CYP39A1: variants seen among roughly 807,000 people sequenced by gnomAD.
CYP39A1 encodes the protein 24-hydroxycholesterol 7-alpha-hydroxylase.
CYP39A1 carries 49 observed loss-of-function variants against 58.1 expected under a neutral mutation model. The ratio of observed to expected loss-of-function variants is 0.84; its 90% CI spans 0.67 to 1.07. CYP39A1 has a LOEUF of 1.07. Ranked by LOEUF, CYP39A1 falls within the 50% of genes least tolerant of loss-of-function variation. The probability of loss-of-function intolerance (pLI) is 0.00; values close to 1 mark genes in which losing one functional copy is unlikely to be tolerated. For missense variants in CYP39A1, 531 were observed against 539.4 expected (o/e 0.98, Z 0.16); for synonymous variants, 209 against 187.6 (o/e 1.11, Z -0.93).
chr6:46,584,896 C>T (rs1480160231), intron 10 of CYP39A1, among the ~76,000 whole-genome samples: 2 of 152,128 alleles, frequency 1.3e-5, no homozygotes. Context: ...ACCAGAAATC[C>T]TTGCAGTTAT....
intron 5 of CYP39A1, among the ~76,000 whole-genome samples, chr6:46,635,027 A>G (rs779342945): frequency 1.4e-4 from 21 of 152,350 alleles, no homozygotes; most frequent in South Asian, 2.1e-4. Context: ...GCCTTCCAGT[A>G]TGGCTTCCTA....
chr6:46,591,540 A>G (rs1308936891), intron 8 of CYP39A1, among the ~76,000 whole-genome samples: 4 of 152,048 alleles, frequency 2.6e-5, no homozygotes, highest in South Asian at 2.1e-4. Flanking sequence ...GTTAGCATGT[A>G]AGAGGTTTTT....
At chr6:46,635,688 G>A (rs376925719) in intron 5 of CYP39A1, among the ~76,000 whole-genome samples, 9 of 152,158 alleles carry the variant, frequency 5.9e-5, no homozygotes, top group South Asian at 2.1e-4. Context: ...CTGAGTAGCC[G>A]GTACCACAGG....
At chr6:46,576,565 G>A (rs1771859608) in intron 10 of CYP39A1, among the ~76,000 whole-genome samples, 1 of 152,180 alleles carries the variant, frequency 6.6e-6, no homozygotes, top group Admixed American at 6.5e-5. Flanking sequence ...TCAAGATATA[G>A]GAGAAGGTTG....
chr6:46,564,452 T>A (rs1316527742), intron 10 of CYP39A1, among the ~76,000 whole-genome samples: 1 of 151,972 alleles, frequency 6.6e-6, no homozygotes, highest in Non-Finnish European at 1.5e-5. Flanking sequence ...CATCTCAACC[T>A]CCCAAAATGC....
At chr6:46,567,451 T>C (rs1243295322) in intron 10 of CYP39A1, among the ~76,000 whole-genome samples, 1 of 152,128 alleles carries the variant, frequency 6.6e-6, no homozygotes, top group Non-Finnish European at 1.5e-5. Context: ...ATACTTCTTT[T>C]GAGATACTGA....
At chr6:46,594,154 A>G (rs545765348) in intron 8 of CYP39A1, among the ~76,000 whole-genome samples, 247 of 152,226 alleles carry the variant, frequency 1.6e-3, no homozygotes, top group Non-Finnish European at 2.7e-3. Context: ...CAGAATGATT[A>G]TTAAAGGGTT....
chr6:46,623,832 T>G (rs1775126651), intron 7 of CYP39A1, among the ~76,000 whole-genome samples: 1 of 152,138 alleles, frequency 6.6e-6, no homozygotes, highest in African/African-American at 2.4e-5. Flanking sequence ...CTAGATCTTA[T>G]GTATGGATTA....
chr6:46,584,552 A>G (rs545454538), intron 10 of CYP39A1, among the ~76,000 whole-genome samples: 2 of 152,176 alleles, frequency 1.3e-5, no homozygotes, highest in Non-Finnish European at 2.9e-5. Flanking sequence ...AACCTAAGTC[A>G]TGCTTCACAT....
chr6:46,622,862 C>T (rs1244093180), intron 7 of CYP39A1, among the ~76,000 whole-genome samples: 1 of 152,038 alleles, frequency 6.6e-6, no homozygotes, highest in East Asian at 1.9e-4. Flanking sequence ...ATAGAGAACA[C>T]AAGAGTAGGC....
chr6:46,605,357 A>G (rs1011112761), intron 7 of CYP39A1, among the ~76,000 whole-genome samples: 3 of 152,194 alleles, frequency 2.0e-5, no homozygotes, highest in African/African-American at 4.8e-5. Context: ...CCCAGCTTCA[A>G]TGATAGGTCA....
chr6:46,637,967 T>A lies in CYP39A1; in HGVS notation c.500A>T (p.Tyr167Phe). 1 of 1,605,180 alleles carries A rather than the reference T, an allele frequency of 6.2e-7. No homozygotes were observed. The highest frequency in any genetic ancestry group is 1.1e-5 in the South Asian group (1 of 88,666). Reference sequence around the variant, plus strand: ...AAAGAGCATATTCACTGTGACTGGATAAAGGAGATGTCTACAAAGACAGAA... The same window carrying A: ...AAAGAGCATATTCACTGTGACTGGAAAAAGGAGATGTCTACAAAGACAGAA... ...DLNNLVRHLL[Y>F]PVTVNMLFNK... Residue 167 changes from tyrosine (Y) to phenylalanine (F), a missense_variant, in exon 4 of 12, where the codon TAT becomes TTT. Transcript: ENST00000275016.
chr6:46,554,238 G>A (rs1488260542), intron 10 of CYP39A1, among the ~76,000 whole-genome samples: 2 of 152,074 alleles, frequency 1.3e-5, no homozygotes, highest in Non-Finnish European at 2.9e-5. Flanking sequence ...TCAGTTCCTC[G>A]GTTGCACTGG....
chr6:46,572,193 CAT>C (rs1173750064), intron 10 of CYP39A1, among the ~76,000 whole-genome samples: 1 of 151,130 alleles, frequency 6.6e-6, no homozygotes, highest in Non-Finnish European at 1.5e-5. Flanking sequence ...GAGTTAAAAA[CAT>C]ATTTATATAA....
In CYP39A1 at chr6:46,583,779, C is replaced by T. The variant is rs538123676; in HGVS notation, c.1250+3298G>A. The stretch of plus-strand genomic sequence containing the variant: ...TTTGGTTGTTATCCCATGGCAGCAC[C>T]GAGTACATACTGACTTAAATCAGCA... On this transcript the variant is annotated intron_variant, in intron 10 of 11. Transcript: ENST00000275016. Among the ~76,000 whole-genome samples the T allele has an allele frequency of 1.5e-4, 23 of 152,190 alleles. No individual in the cohort carries two copies. In the South Asian group the frequency reaches 4.6e-3, roughly 30 times the overall value.
At chr6:46,576,965 G>T (rs1489019167) in intron 10 of CYP39A1, among the ~76,000 whole-genome samples, 2 of 152,080 alleles carry the variant, frequency 1.3e-5, no homozygotes, top group East Asian at 3.9e-4. Context: ...CACTAGAGAG[G>T]TTGACATGCT....
At chr6:46,583,699 T>G in intron 10 of CYP39A1, 1 of 542,588 alleles carries the variant, frequency 1.8e-6, no homozygotes, top group African/African-American at 2.0e-5. Flanking sequence ...GCTCCAAACC[T>G]ACTTTCAGAA....
At chr6:46,556,503 A>G (rs1297197124) in intron 10 of CYP39A1, among the ~76,000 whole-genome samples, 5 of 152,136 alleles carry the variant, frequency 3.3e-5, no homozygotes, top group Non-Finnish European at 5.9e-5. Context: ...GAGACGGAAA[A>G]AGAACCACAA....
intron 7 of CYP39A1, among the ~76,000 whole-genome samples, chr6:46,620,698 G>A (rs991815392): frequency 1.3e-5 from 2 of 152,132 alleles, no homozygotes; most frequent in Non-Finnish European, 2.9e-5. Context: ...AGCTAAGGCA[G>A]AGTTGTCAAC....
Sources: gnomAD v4.1 joint callset for allele counts (sites outside exome capture counted in the v4.1 genomes callset) on GRCh38, gnomAD v4.1.1 for gene constraint, MANE v1.5 for transcripts, NCBI Gene and HGNC (gene_info 2026-07-23, HGNC 2026-07-21) for gene names.